Variants in ROBO2 observed in about 807,000 individuals in gnomAD.
ROBO2 encodes roundabout homolog 2.
A neutral mutation model predicts 160.8 loss-of-function variants in ROBO2; 53 were observed. The ratio of observed to expected loss-of-function variants is 0.33; its 90% CI spans 0.26 to 0.41. ROBO2 has a LOEUF of 0.41. ROBO2 is among the 10% of genes least tolerant of loss of function. The probability of loss-of-function intolerance (pLI) is 1.00; values close to 1 mark genes in which losing one functional copy is unlikely to be tolerated. For synonymous variants in ROBO2, 664 were observed against 611.7 expected (o/e 1.09, Z -1.26); for missense variants, 1,577 against 1,722.4 (o/e 0.92, Z 1.49).
intron 2 of ROBO2, among the ~76,000 whole-genome samples, chr3:76,417,125 C>A (rs1018083567): frequency 6.6e-6 from 1 of 152,142 alleles, no homozygotes; most frequent in Non-Finnish European, 1.5e-5. Flanking sequence ...ATGGTAAAAT[C>A]AAATGACTGG....
At chr3:77,325,949 T>C (rs1260246275) in intron 2 of ROBO2, among the ~76,000 whole-genome samples, 1 of 152,218 alleles carries the variant, frequency 6.6e-6, no homozygotes, top group Non-Finnish European at 1.5e-5. Flanking sequence ...GTTTTTCCCA[T>C]GGAATTGAAG....
intron 2 of ROBO2, among the ~76,000 whole-genome samples, chr3:76,784,611 G>A (rs1035725157): frequency 2.6e-5 from 4 of 151,126 alleles, no homozygotes; most frequent in African/African-American, 7.3e-5. Flanking sequence ...TGCATAAGAT[G>A]CCAGCCACAG....
chr3:77,291,811 G>A lies in ROBO2; in HGVS notation c.389-185603G>A, dbSNP rs183232984. Among the ~76,000 whole-genome samples the A allele has an allele frequency of 6.5e-4, 98 of 150,442 alleles. 1 individual carries two copies. The highest frequency in any genetic ancestry group is 2.9e-5 in the Non-Finnish European group (2 of 67,836). The stretch of plus-strand genomic sequence containing the variant: ...GGGAAGTTGAGGCTAGAACAGTAAA[G>A]GCATAAAGTAAAATTGATGGTTAAA... On this transcript the variant is annotated intron_variant, in intron 2 of 25. Coordinates refer to ENST00000461745, the Ensembl canonical transcript of ROBO2.
intron 2 of ROBO2, among the ~76,000 whole-genome samples, chr3:76,215,276 A>G (rs1703430544): frequency 1.3e-5 from 2 of 152,216 alleles, no homozygotes; most frequent in African/African-American, 4.8e-5. Flanking sequence ...AAAGGAATGC[A>G]GCTCATCACC....
chr3:76,798,292 GAAAGAAAGAAAGAAAGAAAGAAA>G (rs2063913612), intron 2 of ROBO2, among the ~76,000 whole-genome samples: 3 of 148,792 alleles, frequency 2.0e-5, no homozygotes, highest in African/African-American at 7.4e-5. Context: ...AAGAAAGAAA[GAAAGAAAGAAAGAAAGAAAGAAA>G]AAAGAACGAA....
chr3:76,120,745 C>T (rs960017969), intron 2 of ROBO2, among the ~76,000 whole-genome samples: 2 of 152,120 alleles, frequency 1.3e-5, no homozygotes, highest in Non-Finnish European at 2.9e-5. Context: ...AGAAAATTTA[C>T]CAAGCTCAGA....
chr3:76,056,483 A>G (rs1406995873), intron 2 of ROBO2, among the ~76,000 whole-genome samples: 1 of 152,160 alleles, frequency 6.6e-6, no homozygotes, highest in Non-Finnish European at 1.5e-5. Flanking sequence ...TACATGTTCT[A>G]AAAGGGTCTC....
In ROBO2 at chr3:76,305,575, A is replaced by G. The variant is rs549001381; in HGVS notation, c.109+367973A>G. ...GGAGTTCAAGACCAGCCTAGCCACC[A>G]TGGTAAAACCCCATCTCTGCTAAAA... On this transcript the variant is annotated intron_variant, in intron 2 of 26. Transcript: ENST00000487694. 2.8e-4 allele frequency among the ~76,000 whole-genome samples: 43 copies of G among 151,910 alleles called. 1 individual carries two copies. The highest frequency in any genetic ancestry group is 9.6e-4 in the African/African-American group (40 of 41,452).
intron 2 of ROBO2, among the ~76,000 whole-genome samples, chr3:77,374,168 TCAAAAAAAAAAA>T (rs1200301363): frequency 5.6e-4 from 10 of 17,922 alleles, no homozygotes; most frequent in African/African-American, 4.1e-3. Context: ...CGAGACTCCA[TCAAAAAAAAAAA>T]AAAAAAAAAA....
intron 2 of ROBO2, among the ~76,000 whole-genome samples, chr3:76,672,602 A>G (rs757651691): frequency 1.3e-5 from 2 of 152,186 alleles, no homozygotes; most frequent in Non-Finnish European, 2.9e-5. Flanking sequence ...ACAGCATTCA[A>G]TATCAATAAA....
At chr3:77,466,679 A>G (rs941361828) in intron 2 of ROBO2, among the ~76,000 whole-genome samples, 2 of 152,198 alleles carry the variant, frequency 1.3e-5, no homozygotes, top group African/African-American at 4.8e-5. Flanking sequence ...ATAGTGTTAA[A>G]GTAACTGGCA....
At chr3:76,488,021 C>T (rs751143001) in intron 2 of ROBO2, among the ~76,000 whole-genome samples, 1 of 152,188 alleles carries the variant, frequency 6.6e-6, no homozygotes, top group African/African-American at 2.4e-5. Flanking sequence ...TCAGACCACA[C>T]TCACACTTAA....
At position 76,305,136 on chromosome 3, in the gene ROBO2, T is replaced by C. The variant is rs374291099; in HGVS notation, c.109+367534T>C. 3.8e-4 allele frequency among the ~76,000 whole-genome samples: 58 copies of C among 151,952 alleles called. No individual in the cohort carries two copies. The East Asian group carries it at 0.011, about 29-fold the overall frequency. ...AAGCATTTTAGATCATGCCTTTAAT[T>C]GAAGCATTTTGGGAGGCTGAGGACA... On this transcript the variant is annotated intron_variant, in intron 2 of 26. Transcript: ENST00000487694.
At chr3:77,190,898 G>A (rs894373463) in intron 2 of ROBO2, among the ~76,000 whole-genome samples, 1 of 151,954 alleles carries the variant, frequency 6.6e-6, no homozygotes, top group Non-Finnish European at 1.5e-5. Context: ...TTTTTAAAAG[G>A]TGAATAGTCC....
At chr3:77,007,496 A>G (rs1444774103) in intron 2 of ROBO2, among the ~76,000 whole-genome samples, 2 of 151,978 alleles carry the variant, frequency 1.3e-5, no homozygotes, top group Admixed American at 6.5e-5. Flanking sequence ...TTTTTTCTGC[A>G]TTTCTTCGAA....
chr3:76,631,156 C>A (rs2090005775), intron 2 of ROBO2, among the ~76,000 whole-genome samples: 1 of 152,008 alleles, frequency 6.6e-6, no homozygotes, highest in Admixed American at 6.6e-5. Flanking sequence ...GGCTATAGTA[C>A]ATTTTATGAT....
chr3:76,974,188 G>A (rs970455231), intron 2 of ROBO2, among the ~76,000 whole-genome samples: 4 of 151,970 alleles, frequency 2.6e-5, no homozygotes, highest in East Asian at 3.9e-4. Context: ...CTAATAAACC[G>A]CCTTGATAAA....
chr3:76,841,233 G>T (rs759777742), intron 2 of ROBO2, among the ~76,000 whole-genome samples: 3 of 152,160 alleles, frequency 2.0e-5, no homozygotes, highest in Non-Finnish European at 4.4e-5. Context: ...GATATGTGGG[G>T]CTAACATTAT....
At chr3:77,294,614 T>C (rs1407197974) in intron 2 of ROBO2, among the ~76,000 whole-genome samples, 1 of 147,908 alleles carries the variant, frequency 6.8e-6, no homozygotes, top group African/African-American at 2.6e-5. Flanking sequence ...AGACATAAAG[T>C]AAAATTGACG....
Sources: gnomAD v4.1 joint callset for allele counts (sites outside exome capture counted in the v4.1 genomes callset) on GRCh38, gnomAD v4.1.1 for gene constraint, MANE v1.5 for transcripts, NCBI Gene and HGNC (gene_info 2026-07-23, HGNC 2026-07-21) for gene names.